The following PPIL1 variants were observed in gnomAD, a reference collection of about 807,000 sequenced individuals.
PPIL1 encodes the protein peptidyl-prolyl cis-trans isomerase-like 1.
Under a neutral mutation model 19.4 loss-of-function variants are expected in PPIL1, and 14 were observed. The ratio of observed to expected loss-of-function variants is 0.72; its 90% CI spans 0.48 to 1.13. The LOEUF (loss-of-function observed/expected upper bound fraction) is 1.13, where lower values mean the gene tolerates loss of function less well. Among genes scored for constraint, PPIL1 ranks in the 50% most tolerant of loss-of-function variants. PPIL1 has a pLI of 0.00. For synonymous variants in PPIL1, 72 were observed against 73.6 expected, an observed-to-expected ratio of 0.98 and a Z score of 0.11; for missense variants, 192 against 218.0, an observed-to-expected ratio of 0.88 and a Z score of 0.75.
At chr6:36,872,594 A>C (rs982161142) in intron 1 of PPIL1, among the ~76,000 whole-genome samples, 3 of 151,920 alleles carry the variant, frequency 2.0e-5, no homozygotes, top group African/African-American at 7.2e-5. Context: ...CCTAGACTTT[A>C]AGCTCCAAGG....
intron 2 of PPIL1, among the ~76,000 whole-genome samples, chr6:36,866,292 T>C (rs1339764635): frequency 6.6e-6 from 1 of 152,194 alleles, no homozygotes; most frequent in African/African-American, 2.4e-5. Flanking sequence ...CAAGAAAGCA[T>C]GTGGAAAGAA....
In PPIL1 at chr6:36,855,022, T is replaced by G. The variant is rs569904820; in HGVS notation, c.*791A>C. Reference sequence around the variant, plus strand: ...GAACTTGAGTGGCGCTTCTCCTTTCTGAGAGTACTACTTCTCAAGGAGGAT... The same window carrying G: ...GAACTTGAGTGGCGCTTCTCCTTTCGGAGAGTACTACTTCTCAAGGAGGAT... On this transcript the variant is annotated 3_prime_UTR_variant, in exon 4 of 4. Transcript: ENST00000373699. 71 of 152,796 alleles carry G rather than the reference T, an allele frequency of 4.6e-4. No individual in the cohort carries two copies. The highest frequency in any genetic ancestry group is 1.7e-3 in the African/African-American group (71 of 41,590). 9.5% of individuals were successfully genotyped at this position (152,796 alleles called of 1,614,324 possible). A position where few individuals can be genotyped will look rare whatever the true frequency, so the allele number is the denominator to read the frequency against.
chr6:36,863,200 GCCA>G (rs1259908951), intron 2 of PPIL1, among the ~76,000 whole-genome samples: 1 of 152,164 alleles, frequency 6.6e-6, no homozygotes, highest in Non-Finnish European at 1.5e-5. Flanking sequence ...GATTCAAAGT[GCCA>G]CCTCGGGAGG....
chr6:36,871,968 G>C (rs1774520305), intron 1 of PPIL1, 96 bp from the exon 2 acceptor site: 3 of 1,168,034 alleles, frequency 2.6e-6, no homozygotes, highest in Non-Finnish European at 3.4e-6. Flanking sequence ...TTTCAAGCTT[G>C]TAAGTCATGA....
At chr6:36,862,929 C>T (rs763602353) in intron 2 of PPIL1, among the ~76,000 whole-genome samples, 2 of 152,180 alleles carry the variant, frequency 1.3e-5, no homozygotes, top group African/African-American at 4.8e-5. Flanking sequence ...GGGTCAGAGA[C>T]GTCTGGATTC....
At chr6:36,858,887 G>T (rs1774221716) in intron 2 of PPIL1, among the ~76,000 whole-genome samples, 2 of 152,190 alleles carry the variant, frequency 1.3e-5, no homozygotes, top group African/African-American at 4.8e-5. Flanking sequence ...GGTTACCAGA[G>T]ACTAGGGAGA....
chr6:36,864,417 C>T (rs2150657545), intron 2 of PPIL1, among the ~76,000 whole-genome samples: 1 of 152,308 alleles, frequency 6.6e-6, no homozygotes, highest in South Asian at 2.1e-4. Flanking sequence ...ACACTCTGGT[C>T]TAAGGCCTCT....
In PPIL1 at chr6:36,869,939, A is replaced by G. The variant is rs906612242; in HGVS notation, c.211+1779T>C. Among the ~76,000 whole-genome samples, 3 of 152,198 alleles carry G rather than the reference A, an allele frequency of 2.0e-5. No individual in the cohort carries two copies. The East Asian group carries it at 5.8e-4, about 29-fold the overall frequency. ...CCTGTCATCCCTTAAACCAGACATG[A>G]TGGGCACCAAAAGTTAACACTGTTC... On this transcript the variant is annotated intron_variant, in intron 2 of 3. Transcript: ENST00000373699.
At chr6:36,864,053 G>A (rs1263265059) in intron 2 of PPIL1, among the ~76,000 whole-genome samples, 1 of 151,654 alleles carries the variant, frequency 6.6e-6, no homozygotes. Context: ...CTTCCCAGAG[G>A]ACCAGAACTA....
At chr6:36,863,965 A>G (rs1045789885) in intron 2 of PPIL1, among the ~76,000 whole-genome samples, 1 of 151,430 alleles carries the variant, frequency 6.6e-6, no homozygotes, top group African/African-American at 2.4e-5. Context: ...CTGTGTGAAG[A>G]CCTTCCCTTC....
intron 2 of PPIL1, among the ~76,000 whole-genome samples, chr6:36,858,811 T>G (rs1256940647): frequency 6.6e-6 from 1 of 152,154 alleles, no homozygotes; most frequent in Non-Finnish European, 1.5e-5. Context: ...ATATGTTCCC[T>G]CTGACTCAAT....
intron 2 of PPIL1, among the ~76,000 whole-genome samples, chr6:36,861,582 C>T (rs1366946203): frequency 6.6e-6 from 1 of 151,716 alleles, no homozygotes; most frequent in African/African-American, 2.4e-5. Flanking sequence ...TTTGCAAATA[C>T]CTTCTCCCAG....
intron 2 of PPIL1, among the ~76,000 whole-genome samples, chr6:36,860,823 T>C (rs1328997237): frequency 6.6e-6 from 1 of 151,098 alleles, no homozygotes; most frequent in East Asian, 1.9e-4. Flanking sequence ...TTACTACACA[T>C]CTATGTACCC....
At chr6:36,863,999 A>G (rs1426937802) in intron 2 of PPIL1, among the ~76,000 whole-genome samples, 2 of 151,692 alleles carry the variant, frequency 1.3e-5, no homozygotes, top group Admixed American at 1.3e-4. Context: ...CTGACCCTTT[A>G]TCTTTCACAG....
intron 2 of PPIL1, among the ~76,000 whole-genome samples, chr6:36,865,354 C>A (rs2150657915): frequency 1.3e-5 from 2 of 152,316 alleles, no homozygotes; most frequent in Middle Eastern, 6.8e-3. Context: ...CATTAACTGG[C>A]CCCAAACTGC....
chr6:36,864,327 T>C (rs236346), intron 2 of PPIL1, among the ~76,000 whole-genome samples: 23,590 of 152,020 alleles, frequency 0.16, 2,474 homozygotes, highest in African/African-American at 0.28. Flanking sequence ...GATTGGGCAC[T>C]CTGCTACTCT....
chr6:36,865,199 C>T (rs1009307216), intron 2 of PPIL1, among the ~76,000 whole-genome samples: 3 of 152,184 alleles, frequency 2.0e-5, no homozygotes, highest in African/African-American at 7.2e-5. Flanking sequence ...GCTCCACAGT[C>T]CTGCTCTACC....
rs1561849640 is a variant in PPIL1 at position 36,871,839 on chromosome 6, C to T, written c.90G>A (p.Lys30=). The T allele has an allele frequency of 8.7e-6, 14 of 1,606,514 alleles. No homozygotes were observed. The highest frequency in any genetic ancestry group is 1.1e-5 in the Non-Finnish European group (13 of 1,177,642). Reference sequence around the variant, plus strand: ...AGTTCTTACAGGTCTTTGGAGCATGCTTCCAGTACAGCTCCAGCACAATGA... The same window carrying T: ...AGTTCTTACAGGTCTTTGGAGCATGTTTCCAGTACAGCTCCAGCACAATGA... ...MGIIVLELYW[K]HAPKTCKNFA... The change falls in exon 2 of 4, where the codon AAG becomes AAA. Residue 30 remains lysine (K), a synonymous_variant. Transcript: ENST00000373699.
chr6:36,868,804 C>A lies in PPIL1; in HGVS notation c.211+2914G>T, dbSNP rs924319496. Among the ~76,000 whole-genome samples, 4 of 151,924 alleles carry A rather than the reference C, an allele frequency of 2.6e-5. No individual in the cohort carries two copies. In the South Asian group the frequency reaches 6.2e-4, roughly 24 times the overall value. On this transcript the variant is annotated intron_variant, in intron 2 of 3. Transcript: ENST00000373699. ...TGAGCCATGATTGTATCACTGTACT[C>A]GAGCCTGGGCCTAGGTGACAGAGCA...
Sources: allele counts gnomAD v4.1 joint callset (sites outside exome capture counted in the v4.1 genomes callset), GRCh38; gene constraint gnomAD v4.1.1; transcripts MANE v1.5; gene names NCBI Gene and HGNC (gene_info 2026-07-23, HGNC 2026-07-21).